The following ZBTB20 variants were observed in gnomAD, a reference collection of about 807,000 sequenced individuals.
ZBTB20 encodes zinc finger and BTB domain-containing protein 20.
A neutral mutation model predicts 56.9 loss-of-function variants in ZBTB20; 9 were observed. That is an observed-to-expected ratio of 0.16 (90% confidence interval 0.10 to 0.28). The LOEUF (loss-of-function observed/expected upper bound fraction) is 0.28, where lower values mean the gene tolerates loss of function less well. Among genes scored for constraint, ZBTB20 ranks in the 10% least tolerant of loss-of-function variants. The pLI, the probability that ZBTB20 is intolerant of heterozygous loss-of-function variation, is 1.00. For synonymous variants in ZBTB20, 417 were observed against 420.7 expected (o/e 0.99, Z 0.11); for missense variants, 655 against 1,003.0 (o/e 0.65, Z 4.69).
intron 1 of ZBTB20, among the ~76,000 whole-genome samples, chr3:115,089,938 T>C (rs1271029196): frequency 1.3e-5 from 2 of 151,818 alleles, no homozygotes; most frequent in African/African-American, 2.4e-5. Flanking sequence ...TAAGGAATAA[T>C]GTGAGAGATG....
intron 1 of ZBTB20, among the ~76,000 whole-genome samples, chr3:115,088,599 T>C (rs1400296583): frequency 6.6e-6 from 1 of 151,876 alleles, no homozygotes; most frequent in Non-Finnish European, 1.5e-5. Flanking sequence ...TTGCATATTA[T>C]TAAATATTTA....
intron 5 of ZBTB20, among the ~76,000 whole-genome samples, chr3:114,788,127 A>C (rs2070689887): frequency 6.6e-6 from 1 of 152,094 alleles, no homozygotes; most frequent in Admixed American, 6.6e-5. Context: ...TTTCTTCTAA[A>C]CCCTGTAACT....
At chr3:114,992,080 CTCTT>C (rs1553874994) in intron 2 of ZBTB20, among the ~76,000 whole-genome samples, 1 of 151,956 alleles carries the variant, frequency 6.6e-6, no homozygotes, top group South Asian at 2.1e-4. Flanking sequence ...CAACTTCTCT[CTCTT>C]TCTGTCTTTT....
intron 6 of ZBTB20, among the ~76,000 whole-genome samples, chr3:114,575,927 C>T (rs1175936167): frequency 6.6e-6 from 1 of 152,082 alleles, no homozygotes; most frequent in Non-Finnish European, 1.5e-5. Flanking sequence ...AAATAATTGA[C>T]AGAAAAGGTA....
At position 115,092,146 on chromosome 3, in the gene ZBTB20, G is replaced by T. The variant is rs1300463808; in HGVS notation, c.-702-20732C>A. Among the ~76,000 whole-genome samples the T allele has an allele frequency of 2.2e-4, 33 of 151,976 alleles. 1 individual carries two copies. The highest frequency in any genetic ancestry group is 2.2e-3 in the Admixed American group (33 of 15,232). On this transcript the variant is annotated intron_variant, in intron 1 of 11. Coordinates refer to ENST00000675478, the MANE Select transcript of ZBTB20 (RefSeq NM_001348800.3). ...GTGCACACATCCTAACTTTTTCTTGGGTAATAAGAAATTTCAAAGACTAAA... is the reference window on the plus strand; with the variant it reads ...GTGCACACATCCTAACTTTTTCTTGTGTAATAAGAAATTTCAAAGACTAAA...
At chr3:114,713,169 T>C (rs1309900311) in intron 5 of ZBTB20, among the ~76,000 whole-genome samples, 2 of 152,064 alleles carry the variant, frequency 1.3e-5, no homozygotes, top group Non-Finnish European at 2.9e-5. Context: ...TTATATCGTA[T>C]GCTTATATTG....
intron 6 of ZBTB20, among the ~76,000 whole-genome samples, chr3:114,626,223 G>T (rs1170318557): frequency 2.0e-5 from 3 of 152,138 alleles, no homozygotes; most frequent in African/African-American, 7.2e-5. Context: ...TAAACTTTCA[G>T]CTTTCATTTC....
At chr3:114,874,800 T>C (rs1482443891) in intron 4 of ZBTB20, among the ~76,000 whole-genome samples, 2 of 152,240 alleles carry the variant, frequency 1.3e-5, no homozygotes, top group African/African-American at 4.8e-5. Flanking sequence ...CTCCCAGGAA[T>C]TGGTGCTTGC....
At chr3:114,623,099 G>A (rs992352293) in intron 6 of ZBTB20, among the ~76,000 whole-genome samples, 10 of 152,072 alleles carry the variant, frequency 6.6e-5, no homozygotes, top group Non-Finnish European at 4.4e-5. Context: ...TCTTGAAATA[G>A]AAAGAAGATG....
At chr3:114,395,979 C>T (rs1036563949) in intron 7 of ZBTB20, among the ~76,000 whole-genome samples, 6 of 152,040 alleles carry the variant, frequency 3.9e-5, no homozygotes, top group Admixed American at 1.3e-4. Context: ...AATAAGAGAT[C>T]TTTTGGATCA....
intron 2 of ZBTB20, among the ~76,000 whole-genome samples, chr3:114,976,486 C>A (rs1177708178): frequency 6.6e-6 from 1 of 151,892 alleles, no homozygotes. Context: ...ATTAGCCGGG[C>A]GTGGTGGCGG....
Position 114,336,690 on chromosome 3 carries a change from T to C in ZBTB20, c.*2315A>G, listed in dbSNP as rs2079466904. ...AAAACCAATTTAGTCATTACAGAGT[T>C]GTTTGTGTTGGAAGATTTTCCCTCG... On this transcript the variant is annotated 3_prime_UTR_variant, in exon 12 of 12. Coordinates refer to ENST00000675478, the MANE Select transcript of ZBTB20 (RefSeq NM_001348800.3). 6.6e-6 allele frequency: 1 copy of C among 152,230 alleles called. No individual in the cohort carries two copies. The highest frequency in any genetic ancestry group is 6.5e-5 in the Admixed American group (1 of 15,284). The allele number at this position is 152,230 out of a possible 1,614,324, so 9.4% of individuals were successfully genotyped here.
chr3:114,373,315 G>A (rs1281372782), intron 10 of ZBTB20, among the ~76,000 whole-genome samples: 1 of 152,186 alleles, frequency 6.6e-6, no homozygotes, highest in African/African-American at 2.4e-5. Context: ...TATTTGGAAA[G>A]CAAATGTCTC....
At chr3:114,632,893 C>T (rs893307987) in intron 6 of ZBTB20, among the ~76,000 whole-genome samples, 1 of 152,140 alleles carries the variant, frequency 6.6e-6, no homozygotes, top group Non-Finnish European at 1.5e-5. Context: ...AGGAGACTAC[C>T]TTTCTTCAGC....
chr3:114,817,359 A>G (rs1290014879), intron 4 of ZBTB20, among the ~76,000 whole-genome samples: 1 of 151,956 alleles, frequency 6.6e-6, no homozygotes, highest in African/African-American at 2.4e-5. Flanking sequence ...TCTCTACTAA[A>G]AATACAAAAT....
intron 10 of ZBTB20, among the ~76,000 whole-genome samples, chr3:114,358,673 T>C (rs2081489714): frequency 6.6e-6 from 1 of 152,186 alleles, no homozygotes; most frequent in Non-Finnish European, 1.5e-5. Context: ...AACTGACTTA[T>C]GAATGAAGCT....
chr3:114,790,702 A>C (rs1014944588), intron 5 of ZBTB20, among the ~76,000 whole-genome samples: 1 of 152,028 alleles, frequency 6.6e-6, no homozygotes, highest in Non-Finnish European at 1.5e-5. Flanking sequence ...CCAAGAAAGA[A>C]AATCAGTGAG....
chr3:114,457,092 T>A (rs773403858), intron 7 of ZBTB20, among the ~76,000 whole-genome samples: 8 of 152,356 alleles, frequency 5.3e-5, no homozygotes, highest in Admixed American at 2.6e-4. Context: ...GGCAGATCCT[T>A]TGGCAAGCCC....
intron 6 of ZBTB20, among the ~76,000 whole-genome samples, chr3:114,575,817 C>T (rs1344913366): frequency 1.3e-5 from 2 of 152,092 alleles, no homozygotes; most frequent in Non-Finnish European, 2.9e-5. Context: ...AGGGGTAGGG[C>T]ATAAGAGGTA....
Sources: gnomAD v4.1 joint callset for allele counts (sites outside exome capture counted in the v4.1 genomes callset) on GRCh38, gnomAD v4.1.1 for gene constraint, MANE v1.5 for transcripts, NCBI Gene and HGNC (gene_info 2026-07-23, HGNC 2026-07-21) for gene names.